Variants in ADAMTSL1 observed in about 807,000 individuals in gnomAD.
ADAMTSL1 encodes ADAMTS-like protein 1.
Under a neutral mutation model 201.8 loss-of-function variants are expected in ADAMTSL1, and 126 were observed. That is an observed-to-expected ratio of 0.62 (90% confidence interval 0.54 to 0.72). ADAMTSL1 has a LOEUF of 0.72. Ranked by LOEUF, ADAMTSL1 falls within the 30% of genes least tolerant of loss-of-function variation. ADAMTSL1 has a pLI of 0.00. For synonymous variants in ADAMTSL1, 1,121 were observed against 903.4 expected (o/e 1.24, Z -4.32); for missense variants, 2,679 against 2,277.8 (o/e 1.18, Z -3.59).
chr9:18,162,779 G>A (rs1290801288), intron 1 of ADAMTSL1, among the ~76,000 whole-genome samples: 1 of 151,878 alleles, frequency 6.6e-6, no homozygotes, highest in Non-Finnish European at 1.5e-5. Flanking sequence ...GAGTTAAAAA[G>A]ACAATGTGAT....
rs1422227263 is a variant in ADAMTSL1 at position 18,908,744 on chromosome 9, C to T, written c.*196C>T. The T allele has an allele frequency of 9.3e-6, 5 of 539,872 alleles. No homozygotes were observed. The highest frequency in any genetic ancestry group is 2.1e-5 in the South Asian group (1 of 48,064). 33.4% of individuals were successfully genotyped at this position (539,872 alleles called of 1,614,324 possible). A position where few individuals can be genotyped will look rare whatever the true frequency, so the allele number is the denominator to read the frequency against. On this transcript the variant is annotated 3_prime_UTR_variant, in exon 29 of 29. Transcript: ENST00000380548. ...TTTTCTCTTTCAGTTAGCTGGAGGA[C>T]AGGATGTTGGGAAAGGAAAGGACAG... is the stretch of plus-strand genomic sequence containing the variant.
At chr9:18,739,519 T>G (rs944851323) in intron 15 of ADAMTSL1, among the ~76,000 whole-genome samples, 1 of 152,222 alleles carries the variant, frequency 6.6e-6, no homozygotes, top group Non-Finnish European at 1.5e-5. Context: ...AATCCTAATA[T>G]GAGGGTTTCA....
At chr9:18,726,511 CAA>C (rs555368005) in intron 15 of ADAMTSL1, among the ~76,000 whole-genome samples, 3 of 121,888 alleles carry the variant, frequency 2.5e-5, no homozygotes, top group East Asian at 2.4e-4. Context: ...ACCCTGTCTC[CAA>C]AAAAAAAAAA....
intron 2 of ADAMTSL1, among the ~76,000 whole-genome samples, chr9:18,319,939 CA>C (rs1342662958): frequency 1.3e-5 from 2 of 152,060 alleles, no homozygotes; most frequent in African/African-American, 4.8e-5. Context: ...GAGTAGAAGA[CA>C]AAAGAGATTT....
intron 14 of ADAMTSL1, among the ~76,000 whole-genome samples, chr9:18,709,895 T>C (rs1401816906): frequency 1.3e-5 from 2 of 152,194 alleles, no homozygotes; most frequent in African/African-American, 2.4e-5. Flanking sequence ...TCCCCTTTTC[T>C]TACAAGTCCT....
chr9:18,177,784 C>G (rs1828241898), intron 2 of ADAMTSL1, among the ~76,000 whole-genome samples: 1 of 152,190 alleles, frequency 6.6e-6, no homozygotes, highest in Admixed American at 6.5e-5. Context: ...TGGTTACATA[C>G]CCATGCCTAG....
At chr9:18,090,936 A>C (rs10810898) in intron 1 of ADAMTSL1, among the ~76,000 whole-genome samples, 86,941 of 151,414 alleles carry the variant, frequency 0.57, 25,495 homozygotes, top group African/African-American at 0.7. Context: ...CTGTGTACAC[A>C]TGGAACACTG....
At chr9:18,215,062 G>C (rs1830012916) in intron 2 of ADAMTSL1, among the ~76,000 whole-genome samples, 1 of 152,144 alleles carries the variant, frequency 6.6e-6, no homozygotes, top group South Asian at 2.1e-4. Context: ...ATATTACTTT[G>C]AAAGAGGGCA....
intron 9 of ADAMTSL1, among the ~76,000 whole-genome samples, chr9:18,663,986 C>T (rs1829271870): frequency 6.6e-6 from 1 of 151,712 alleles, no homozygotes; most frequent in Non-Finnish European, 1.5e-5. Context: ...TTTATTACAG[C>T]ACATGAGTAA....
Position 18,541,514 on chromosome 9 carries a change from G to GA in ADAMTSL1, c.237+8236dup, listed in dbSNP as rs71333044. On this transcript the variant is annotated intron_variant, in intron 3 of 28. Coordinates refer to ENST00000380548, the MANE Select transcript of ADAMTSL1 (RefSeq NM_001040272.6). Reference sequence around the variant, plus strand: ...AACAAGAGCAAAACTCCATCTCAAAGAAAAAAAAAAAAAATTTATGGGTGG... The same window carrying GA: ...AACAAGAGCAAAACTCCATCTCAAAGAAAAAAAAAAAAAAATTTATGGGTGG... 1.2e-3 allele frequency among the ~76,000 whole-genome samples: 164 copies of GA among 140,172 alleles called. 1 individual carries two copies. Among genetic ancestry groups the GA allele is most frequent in the Middle Eastern group, 3.7e-3 (1 of 268 alleles). 92.0% of individuals were successfully genotyped at this position (140,172 alleles called of 152,430 possible).
At chr9:17,991,239 A>C (rs1401493103) in intron 1 of ADAMTSL1, among the ~76,000 whole-genome samples, 1 of 152,202 alleles carries the variant, frequency 6.6e-6, no homozygotes, top group Non-Finnish European at 1.5e-5. Flanking sequence ...TCCCAGCTCT[A>C]TCTGTATACT....
rs73430960 is a variant in ADAMTSL1 at position 18,356,672 on chromosome 9, G to A, written c.208-148157G>A. Among the ~76,000 whole-genome samples the A allele has an allele frequency of 4.0e-5, 6 of 148,684 alleles. No homozygotes were observed. In the South Asian group the frequency reaches 1.1e-3, roughly 27 times the overall value. On this transcript the variant is annotated intron_variant, in intron 2 of 29. Transcript: ENST00000680146. Reference sequence around the variant, plus strand: ...CTTCATTTTGCACTACTTTCTAGAAGGTATTAAAATGAATCAATAAAATTG... The same window carrying A: ...CTTCATTTTGCACTACTTTCTAGAAAGTATTAAAATGAATCAATAAAATTG...
At chr9:18,530,274 C>G (rs1309750539) in intron 2 of ADAMTSL1, among the ~76,000 whole-genome samples, 1 of 152,118 alleles carries the variant, frequency 6.6e-6, no homozygotes, top group African/African-American at 2.4e-5. Context: ...AAATCTATAT[C>G]CCAGATCTTC....
chr9:18,132,783 C>T (rs1587126230), intron 1 of ADAMTSL1, among the ~76,000 whole-genome samples: 1 of 152,230 alleles, frequency 6.6e-6, no homozygotes, highest in Middle Eastern at 3.4e-3. Flanking sequence ...ACACACAGTC[C>T]AATTTCCTGC....
intron 2 of ADAMTSL1, among the ~76,000 whole-genome samples, chr9:18,327,150 G>A (rs1425923257): frequency 1.3e-5 from 2 of 152,114 alleles, no homozygotes; most frequent in Non-Finnish European, 2.9e-5. Flanking sequence ...GTTATATGCA[G>A]CTTCTTTCTA....
chr9:18,755,320 C>T (rs1349051778), intron 16 of ADAMTSL1, among the ~76,000 whole-genome samples: 2 of 152,172 alleles, frequency 1.3e-5, no homozygotes, highest in Non-Finnish European at 2.9e-5. Flanking sequence ...AATCAACCTC[C>T]ACTGTTGAAA....
rs557916727 is a variant in ADAMTSL1, at chr9:18,213,680, G to C, written c.207+49699G>C. 1.1e-4 allele frequency among the ~76,000 whole-genome samples: 17 copies of C among 152,250 alleles called. 1 individual carries two copies. In the South Asian group the frequency reaches 2.9e-3, roughly 26 times the overall value. On this transcript the variant is annotated intron_variant, in intron 2 of 29. Transcript: ENST00000680146. ...GACGGTTTTCAAGATAGCACATACGGAAACCTCAGAGATAGAGGAAGTTGT... is the reference window on the plus strand; with the variant it reads ...GACGGTTTTCAAGATAGCACATACGCAAACCTCAGAGATAGAGGAAGTTGT...
chr9:18,147,025 A>G (rs1826673871), intron 1 of ADAMTSL1, among the ~76,000 whole-genome samples: 1 of 152,132 alleles, frequency 6.6e-6, no homozygotes, highest in Non-Finnish European at 1.5e-5. Context: ...TACAGGTTTT[A>G]GCATAGTTGT....
chr9:18,434,883 T>G (rs904886843), intron 2 of ADAMTSL1, among the ~76,000 whole-genome samples: 1 of 152,218 alleles, frequency 6.6e-6, no homozygotes, highest in African/African-American at 2.4e-5. Flanking sequence ...GTTGAATTTT[T>G]CATGTATGTG....
Sources: allele counts gnomAD v4.1 joint callset (sites outside exome capture counted in the v4.1 genomes callset), GRCh38; gene constraint gnomAD v4.1.1; transcripts MANE v1.5; gene names NCBI Gene and HGNC (gene_info 2026-07-23, HGNC 2026-07-21).